CHL1: variants seen among roughly 807,000 people sequenced by gnomAD.
The protein encoded by CHL1 is neural cell adhesion molecule L1-like protein.
In CHL1, 96 loss-of-function variants were observed where a neutral mutation model predicts 141.9. The ratio of observed to expected loss-of-function variants is 0.68; its 90% CI spans 0.57 to 0.80. The LOEUF (loss-of-function observed/expected upper bound fraction) is 0.80, where lower values mean the gene tolerates loss of function less well. CHL1 is among the 30% of genes least tolerant of loss of function. CHL1 has a pLI of 0.00. For synonymous variants in CHL1, 613 were observed against 502.2 expected (o/e 1.22, Z -2.95); for missense variants, 1,820 against 1,457.2 (o/e 1.25, Z -4.05).
intron 1 of CHL1, among the ~76,000 whole-genome samples, chr3:237,014 A>T (rs4684334): frequency 6.6e-6 from 1 of 152,004 alleles, no homozygotes; most frequent in Admixed American, 6.6e-5. Flanking sequence ...CAAGGAATCA[A>T]ACTCGTTAGG....
intron 1 of CHL1, among the ~76,000 whole-genome samples, chr3:227,082 A>T (rs1488937048): frequency 1.3e-5 from 2 of 152,208 alleles, no homozygotes; most frequent in South Asian, 2.1e-4. Flanking sequence ...TGTTGATTTC[A>T]ACAGGTTTAA....
intron 24 of CHL1, among the ~76,000 whole-genome samples, chr3:397,429 G>T (rs1158863165): frequency 6.6e-6 from 1 of 151,892 alleles, no homozygotes; most frequent in African/African-American, 2.4e-5. Flanking sequence ...ATAACCCCTT[G>T]TAGTCTCAGT....
At chr3:337,853 A>T (rs1280240172) in intron 5 of CHL1, among the ~76,000 whole-genome samples, 1 of 152,156 alleles carries the variant, frequency 6.6e-6, no homozygotes, top group Non-Finnish European at 1.5e-5. Flanking sequence ...GTGTCTTCAT[A>T]GCAGCATGAT....
intron 1 of CHL1, among the ~76,000 whole-genome samples, chr3:230,889 T>C (rs193276351): frequency 6.6e-6 from 1 of 152,154 alleles, no homozygotes; most frequent in Admixed American, 6.6e-5. Context: ...TCAGAGATGA[T>C]TTTTGAGACT....
chr3:249,992 T>C (rs189136), intron 2 of CHL1, among the ~76,000 whole-genome samples: 21,797 of 151,558 alleles, frequency 0.14, 1,898 homozygotes, highest in East Asian at 0.39. Flanking sequence ...TTTTGAGACA[T>C]GTCTCACTCT....
intron 2 of CHL1, among the ~76,000 whole-genome samples, chr3:249,572 A>G (rs1417029178): frequency 1.3e-5 from 2 of 152,160 alleles, no homozygotes; most frequent in African/African-American, 4.8e-5. Flanking sequence ...TATTGGCTTA[A>G]GTAACTTATT....
chr3:335,278 G>T (rs571670624), intron 5 of CHL1, among the ~76,000 whole-genome samples: 1 of 152,300 alleles, frequency 6.6e-6, no homozygotes, highest in South Asian at 2.1e-4. Context: ...CTTTAATTAA[G>T]TTCGAGGATT....
At chr3:305,737 G>A (rs1007849504) in intron 2 of CHL1, among the ~76,000 whole-genome samples, 21 of 151,672 alleles carry the variant, frequency 1.4e-4, no homozygotes, top group African/African-American at 5.1e-4. Context: ...GTCTGGAAGT[G>A]TTCATATCTT....
chr3:217,221 T>C (rs982837605), intron 1 of CHL1, among the ~76,000 whole-genome samples: 3 of 151,988 alleles, frequency 2.0e-5, no homozygotes, highest in Admixed American at 2.0e-4. Flanking sequence ...TGCTCCCAGA[T>C]ACAAAACAGG....
chr3:340,529 G>T (rs868422793), intron 5 of CHL1, among the ~76,000 whole-genome samples: 4 of 152,144 alleles, frequency 2.6e-5, no homozygotes, highest in Non-Finnish European at 5.9e-5. Context: ...ATATGCACAA[G>T]TATGTTATTG....
In CHL1 at chr3:337,315, C is replaced by T. The variant is rs372520776; in HGVS notation, c.386-3479C>T. Among the ~76,000 whole-genome samples the T allele has an allele frequency of 4.9e-3, 741 of 151,360 alleles. 13 individuals carry two copies. In the South Asian group the frequency reaches 0.05, roughly 10 times the overall value. ...CCGCCATTCTCCTGCCTCAGCCTCCCGAGTAGCTGGGACCACAGGCGCCCG... is the reference window on the plus strand; with the variant it reads ...CCGCCATTCTCCTGCCTCAGCCTCCTGAGTAGCTGGGACCACAGGCGCCCG... On this transcript the variant is annotated intron_variant, in intron 5 of 27. Transcript: ENST00000256509.
rs140799920 is a variant in CHL1, at chr3:258,143, C to T, written c.-95+13451C>T. 5.2e-3 allele frequency among the ~76,000 whole-genome samples: 788 copies of T among 152,314 alleles called. 11 individuals are homozygous for T. Among genetic ancestry groups the T allele is most frequent in the African/African-American group, 0.018 (743 of 41,568 alleles). ...AATGGCCAACTGCATCAATTTAAAA[C>T]GTTCACTTGCTCCCCCATGGCTGTC... On this transcript the variant is annotated intron_variant, in intron 2 of 27. Transcript: ENST00000256509.
At chr3:338,550 A>G (rs746005805) in intron 5 of CHL1, among the ~76,000 whole-genome samples, 8 of 152,196 alleles carry the variant, frequency 5.3e-5, no homozygotes, top group Non-Finnish European at 1.2e-4. Flanking sequence ...TTATCGTGCC[A>G]TCAAACTCAC....
intron 10 of CHL1, 39 bp from the exon 11 acceptor site, chr3:354,601 T>C (rs139124407): frequency 7.0e-6 from 11 of 1,570,084 alleles, no homozygotes; most frequent in African/African-American, 2.7e-5. Context: ...CTTTTTGACA[T>C]AGATAACATC....
At chr3:252,308 A>C (rs1693758114) in intron 2 of CHL1, among the ~76,000 whole-genome samples, 1 of 143,048 alleles carries the variant, frequency 7.0e-6, no homozygotes, top group Non-Finnish European at 1.5e-5. Flanking sequence ...GATTATATTT[A>C]TGTTAAACAT....
At chr3:307,318 A>G (rs1398261160) in intron 2 of CHL1, among the ~76,000 whole-genome samples, 2 of 152,210 alleles carry the variant, frequency 1.3e-5, no homozygotes, top group Admixed American at 6.5e-5. Flanking sequence ...ACAAGCATGC[A>G]TTTACACACA....
intron 27 of CHL1, among the ~76,000 whole-genome samples, chr3:404,652 T>TA (rs1709391134): frequency 6.6e-6 from 1 of 152,304 alleles, no homozygotes; most frequent in African/African-American, 2.4e-5. Flanking sequence ...TAAAGAAAGT[T>TA]ATTTGGTTTC....
At position 207,711 on chromosome 3, in the gene CHL1, C is replaced by T. The variant is rs963767182; in HGVS notation, c.-175+10648C>T. The stretch of plus-strand genomic sequence containing the variant: ...GATCTGAGTGAATGGATAAAGATAG[C>T]CAAAACAAGCCTGTTTAAATTTGAC... On this transcript the variant is annotated intron_variant, in intron 1 of 27. Coordinates refer to ENST00000256509, the MANE Select transcript of CHL1 (RefSeq NM_006614.4). Among the ~76,000 whole-genome samples the T allele has an allele frequency of 5.3e-5, 8 of 152,146 alleles. No homozygotes were observed. The South Asian group carries it at 1.7e-3, about 32-fold the overall frequency.
At chr3:243,694 T>A (rs915308404) in intron 1 of CHL1, among the ~76,000 whole-genome samples, 1 of 152,118 alleles carries the variant, frequency 6.6e-6, no homozygotes, top group Non-Finnish European at 1.5e-5. Context: ...ATACACAGAG[T>A]GGAAATGAGC....
Sources: gnomAD v4.1 joint callset for allele counts (sites outside exome capture counted in the v4.1 genomes callset) on GRCh38, gnomAD v4.1.1 for gene constraint, MANE v1.5 for transcripts, NCBI Gene and HGNC (gene_info 2026-07-23, HGNC 2026-07-21) for gene names.